Variants in DLG2 observed in about 807,000 individuals in gnomAD.
DLG2 encodes discs large MAGUK scaffold protein 2.
A neutral mutation model predicts 132.5 loss-of-function variants in DLG2; 45 were observed. The ratio of observed to expected loss-of-function variants is 0.34; its 90% CI spans 0.27 to 0.44. The LOEUF is 0.44. Among genes scored for constraint, DLG2 ranks in the 20% least tolerant of loss-of-function variants. The pLI, the probability that DLG2 is intolerant of heterozygous loss-of-function variation, is 1.00. For synonymous variants in DLG2, 424 were observed against 419.6 expected (o/e 1.01, Z -0.13); for missense variants, 1,045 against 1,196.9 (o/e 0.87, Z 1.87).
At chr11:85,215,774 C>A (rs976321566) in intron 4 of DLG2, among the ~76,000 whole-genome samples, 3 of 152,094 alleles carry the variant, frequency 2.0e-5, no homozygotes, top group African/African-American at 7.2e-5. Flanking sequence ...TCCTACCACC[C>A]CTTTGAATTA....
rs910803228 is a variant in DLG2 at position 84,324,172 on chromosome 11, C to G, written c.520-72881G>C. Among the ~76,000 whole-genome samples the G allele has an allele frequency of 5.3e-5, 8 of 151,984 alleles. No homozygotes were observed. The East Asian group carries it at 1.5e-3, about 29-fold the overall frequency. ...TATAGGATTTTCTTTATATTTTTAT[C>G]CAGGAGTTTTATAGTTTTAGGTCTT... On this transcript the variant is annotated intron_variant, in intron 7 of 27. Coordinates refer to ENST00000376104, the MANE Select transcript of DLG2 (RefSeq NM_001142699.3).
chr11:85,580,559 T>C (rs188846646), intron 3 of DLG2, among the ~76,000 whole-genome samples: 4 of 152,224 alleles, frequency 2.6e-5, no homozygotes, highest in African/African-American at 9.6e-5. Flanking sequence ...AGAAATGCAA[T>C]ACACATATTA....
At chr11:85,085,363 G>A (rs76604568) in intron 6 of DLG2, among the ~76,000 whole-genome samples, 1 of 152,038 alleles carries the variant, frequency 6.6e-6, no homozygotes, top group South Asian at 2.1e-4. Flanking sequence ...CATGATGCTA[G>A]AAACTGCTCT....
intron 6 of DLG2, among the ~76,000 whole-genome samples, chr11:84,741,136 C>T (rs539120505): frequency 4.9e-5 from 7 of 144,022 alleles, no homozygotes; most frequent in Non-Finnish European, 3.0e-5. Flanking sequence ...GCGCGATCTC[C>T]GCTCACTGCA....
chr11:83,748,996 T>C (rs1180180318), intron 18 of DLG2, among the ~76,000 whole-genome samples: 1 of 152,226 alleles, frequency 6.6e-6, no homozygotes, highest in Non-Finnish European at 1.5e-5. Flanking sequence ...AAATTCTACA[T>C]AGATTTTGGT....
chr11:85,345,870 C>T lies in DLG2; in HGVS notation c.41-60505G>A, dbSNP rs564594224. ...AGTTGATCACATATGATAACTATTG[C>T]TTTAAAAAAAACAAACGCCAAATCT... On this transcript the variant is annotated intron_variant, in intron 3 of 27. Coordinates refer to ENST00000376104, the MANE Select transcript of DLG2 (RefSeq NM_001142699.3). Among the ~76,000 whole-genome samples, 6 of 152,064 alleles carry T rather than the reference C, an allele frequency of 3.9e-5. No individual in the cohort carries two copies. The East Asian group carries it at 1.2e-3, about 29-fold the overall frequency.
intron 6 of DLG2, among the ~76,000 whole-genome samples, chr11:84,795,879 G>A (rs554641198): frequency 6.6e-6 from 1 of 151,904 alleles, no homozygotes; most frequent in Admixed American, 6.6e-5. Context: ...CCACAGGCTC[G>A]CAGGAAGCCA....
At chr11:84,927,776 T>A (rs1450410099) in intron 6 of DLG2, among the ~76,000 whole-genome samples, 1 of 152,020 alleles carries the variant, frequency 6.6e-6, no homozygotes, top group Non-Finnish European at 1.5e-5. Context: ...ATTTCTTAGC[T>A]TGTAAATTGC....
At chr11:84,793,881 G>T (rs1372936783) in intron 6 of DLG2, among the ~76,000 whole-genome samples, 7 of 152,128 alleles carry the variant, frequency 4.6e-5, no homozygotes, top group Admixed American at 4.6e-4. Flanking sequence ...GGAAAGCTTA[G>T]TTCATTTATC....
At chr11:83,570,918 T>C (rs2143674095) in intron 19 of DLG2, among the ~76,000 whole-genome samples, 1 of 152,302 alleles carries the variant, frequency 6.6e-6, no homozygotes, top group African/African-American at 2.4e-5. Flanking sequence ...GTTTTGCTCT[T>C]GTTGCCCAGG....
At chr11:85,433,972 C>T (rs1330972870) in intron 3 of DLG2, among the ~76,000 whole-genome samples, 1 of 152,198 alleles carries the variant, frequency 6.6e-6, no homozygotes, top group Non-Finnish European at 1.5e-5. Context: ...AACAGTCCCT[C>T]AGACCACAGT....
At chr11:85,488,742 C>A (rs970814749) in intron 3 of DLG2, among the ~76,000 whole-genome samples, 35 of 152,130 alleles carry the variant, frequency 2.3e-4, no homozygotes, top group African/African-American at 8.4e-4. Context: ...GCCCATAATT[C>A]TATATCTAGC....
intron 19 of DLG2, among the ~76,000 whole-genome samples, chr11:83,571,033 C>G (rs940275406): frequency 1.3e-5 from 2 of 152,050 alleles, no homozygotes; most frequent in African/African-American, 4.8e-5. Flanking sequence ...CAGGCATGCA[C>G]CACCACGCCC....
intron 6 of DLG2, among the ~76,000 whole-genome samples, chr11:84,883,773 TTG>T (rs2087760967): frequency 6.6e-6 from 1 of 152,078 alleles, no homozygotes; most frequent in Non-Finnish European, 1.5e-5. Context: ...TCTGGAGGCT[TTG>T]TTTCTTTCAT....
intron 6 of DLG2, among the ~76,000 whole-genome samples, chr11:85,009,473 C>T (rs2058970053): frequency 6.6e-6 from 1 of 152,034 alleles, no homozygotes; most frequent in Admixed American, 6.6e-5. Flanking sequence ...TCTGACAGTA[C>T]ATCTTTAGGT....
intron 6 of DLG2, among the ~76,000 whole-genome samples, chr11:85,043,925 T>C (rs1338667823): frequency 6.6e-6 from 1 of 151,960 alleles, no homozygotes; most frequent in Non-Finnish European, 1.5e-5. Flanking sequence ...TATTGGTATG[T>C]AAGGTTGTAA....
At chr11:85,014,912 C>T (rs571799998) in intron 6 of DLG2, among the ~76,000 whole-genome samples, 2 of 152,254 alleles carry the variant, frequency 1.3e-5, no homozygotes, top group South Asian at 4.1e-4. Flanking sequence ...CGAGTTATCC[C>T]GAGTCTCCTA....
At chr11:84,849,127 T>C (rs373115854) in intron 6 of DLG2, among the ~76,000 whole-genome samples, 2 of 152,228 alleles carry the variant, frequency 1.3e-5, no homozygotes, top group East Asian at 3.9e-4. Flanking sequence ...CTCATAGAGA[T>C]GGAGAGAGGC....
At chr11:84,125,023 T>A (rs957354706) in intron 9 of DLG2, among the ~76,000 whole-genome samples, 9 of 152,012 alleles carry the variant, frequency 5.9e-5, no homozygotes, top group Non-Finnish European at 1.3e-4. Flanking sequence ...GCTAATTTTG[T>A]ATTTTCAGTA....
Sources: allele counts gnomAD v4.1 joint callset (sites outside exome capture counted in the v4.1 genomes callset), GRCh38; gene constraint gnomAD v4.1.1; transcripts MANE v1.5; gene names NCBI Gene and HGNC (gene_info 2026-07-23, HGNC 2026-07-21).